The following RPTOR variants were observed in gnomAD, a reference collection of about 807,000 sequenced individuals.
The protein encoded by RPTOR is regulatory associated protein of MTOR complex 1, also known as regulatory-associated protein of mTOR.
A neutral mutation model predicts 169.9 loss-of-function variants in RPTOR; 21 were observed. That is an observed-to-expected ratio of 0.12 (90% confidence interval 0.09 to 0.18). RPTOR has a LOEUF of 0.18. RPTOR is among the 10% of genes least tolerant of loss of function. RPTOR has a pLI of 1.00. For synonymous variants in RPTOR, 732 were observed against 753.2 expected (o/e 0.97, Z 0.46); for missense variants, 1,133 against 1,855.9 (o/e 0.61, Z 7.16).
intron 32 of RPTOR, 103 bp downstream of exon 32, chr17:80,962,680 A>G (rs1045981697): frequency 5.9e-6 from 7 of 1,180,232 alleles, no homozygotes; most frequent in East Asian, 2.4e-5. Flanking sequence ...GAAGGAGGGC[A>G]GGGGAGGATT....
At chr17:80,634,470 G>A (rs571146006) in intron 2 of RPTOR, among the ~76,000 whole-genome samples, 30 of 144,730 alleles carry the variant, frequency 2.1e-4, no homozygotes, top group East Asian at 1.7e-3. Context: ...TAGTGTGTGC[G>A]TGTGCATACT....
chr17:80,747,689 G>A (rs537807376), intron 5 of RPTOR, among the ~76,000 whole-genome samples: 4 of 152,322 alleles, frequency 2.6e-5, no homozygotes, highest in Admixed American at 1.3e-4. Context: ...ACCCAGCAGC[G>A]TCTGGACCAC....
rs548095555 is a variant in RPTOR, at chr17:80,965,348, G to A, written c.*1018G>A. 16 of 233,320 alleles carry A rather than the reference G, an allele frequency of 6.9e-5. No individual in the cohort carries two copies. The highest frequency in any genetic ancestry group is 5.4e-4 in the South Asian group (3 of 5,528). 14.5% of individuals were successfully genotyped at this position (233,320 alleles called of 1,614,324 possible). On this transcript the variant is annotated 3_prime_UTR_variant, in exon 34 of 34. Transcript: ENST00000306801. ...CAAGAGGCACTGCCGGGTCCCGGAC[G>A]GCTCCGGGTGACACCAGCCCCGTCT...
At chr17:80,660,561 G>A (rs1282961063) in intron 3 of RPTOR, among the ~76,000 whole-genome samples, 3 of 152,108 alleles carry the variant, frequency 2.0e-5, no homozygotes, top group Non-Finnish European at 4.4e-5. Flanking sequence ...ATGGTGACAC[G>A]GTCTCCTGCA....
At chr17:80,891,451 C>T (rs958806175) in intron 17 of RPTOR, among the ~76,000 whole-genome samples, 4 of 152,212 alleles carry the variant, frequency 2.6e-5, no homozygotes, top group Non-Finnish European at 1.5e-5. Flanking sequence ...ACGAGACCCC[C>T]GATGCGTCGT....
In RPTOR at chr17:80,609,043, G is replaced by C. The variant is rs2065248881; in HGVS notation, c.163-16648G>C. Reference sequence around the variant, plus strand: ...CAGGAGGCACTAGGCCAGGAGAGGAGAGAGTTGGGAGGAGGAAGTGGCCAT... The same window carrying C: ...CAGGAGGCACTAGGCCAGGAGAGGACAGAGTTGGGAGGAGGAAGTGGCCAT... On this transcript the variant is annotated intron_variant, in intron 1 of 33. Transcript: ENST00000306801. This position sits in a 1 kb window ranked among gnomAD's most constrained non-coding sequence, Gnocchi z 4.8. 6.6e-6 allele frequency among the ~76,000 whole-genome samples: 1 copy of C among 152,212 alleles called. No homozygotes were observed. Among genetic ancestry groups the C allele is most frequent in the Admixed American group, 6.5e-5 (1 of 15,278 alleles).
rs1567942615 is a variant in RPTOR, at chr17:80,840,938, T to TCACCACACGGCAGCTCACTCA, written c.1212+2942_1212+2943insACCACACGGCAGCTCACTCAC. The stretch of plus-strand genomic sequence containing the variant: ...ACTCTCACCACACGGCAGCTCACTC[T>TCACCACACGGCAGCTCACTCA]CTCTGCACCGCAGCTCACACTCACC... On this transcript the variant is annotated intron_variant, in intron 10 of 33. Coordinates refer to ENST00000306801, the MANE Select transcript of RPTOR (RefSeq NM_020761.3). 1.2e-3 allele frequency among the ~76,000 whole-genome samples: 106 copies of TCACCACACGGCAGCTCACTCA among 89,870 alleles called. 12 individuals are homozygous for TCACCACACGGCAGCTCACTCA. Among genetic ancestry groups the TCACCACACGGCAGCTCACTCA allele is most frequent in the Non-Finnish European group, 2.1e-3 (97 of 47,142 alleles). The allele number at this position is 89,870 out of a possible 152,430, so 59.0% of individuals were successfully genotyped here.
At chr17:80,952,749 C>T (rs937876165) in intron 28 of RPTOR, among the ~76,000 whole-genome samples, 1 of 152,136 alleles carries the variant, frequency 6.6e-6, no homozygotes, top group African/African-American at 2.4e-5. Context: ...GCAGAGTCAC[C>T]AGGAGGATCG....
rs3042670 is a variant in RPTOR at position 80,823,641 on chromosome 17, TCACACA to T, written c.1136+451_1136+456del. On this transcript the variant is annotated intron_variant, in intron 9 of 33. Transcript: ENST00000306801. The surrounding 1 kb of genome is among the most constrained non-coding windows in gnomAD (Gnocchi z 4.5). Reference sequence around the variant, plus strand: ...ATCAATTAGTTTTTATGCTTATTTCTCACACACACACACACACACACACACACACAC... The same window carrying T: ...ATCAATTAGTTTTTATGCTTATTTCTCACACACACACACACACACACACAC... The T allele has an allele frequency of 0.067, 10,476 of 157,020 alleles. 442 individuals are homozygous for T. Among genetic ancestry groups the T allele is most frequent in the African/African-American group, 0.11 (4,633 of 40,570 alleles). The allele number at this position is 157,020 out of a possible 1,614,324, so 9.7% of individuals were successfully genotyped here. A position where few individuals can be genotyped will look rare whatever the true frequency, so the allele number is the denominator to read the frequency against.
intron 1 of RPTOR, among the ~76,000 whole-genome samples, chr17:80,574,424 C>T (rs1350032792): frequency 6.6e-6 from 1 of 151,550 alleles, no homozygotes; most frequent in Non-Finnish European, 1.5e-5. Flanking sequence ...CCTCAGCCTC[C>T]CAAAGTGCTG....
intron 3 of RPTOR, among the ~76,000 whole-genome samples, chr17:80,645,980 G>A (rs1312975827): frequency 2.6e-5 from 4 of 152,230 alleles, no homozygotes; most frequent in East Asian, 1.9e-4. Flanking sequence ...GTAAGAGATC[G>A]TTTGAAGGGC....
At chr17:80,831,799 G>A (rs200447914) in intron 9 of RPTOR, among the ~76,000 whole-genome samples, 15 of 150,952 alleles carry the variant, frequency 9.9e-5, no homozygotes, top group South Asian at 8.5e-4. Context: ...GTGTGTCACC[G>A]TGTATCCCTG....
rs1320267507 is a variant in RPTOR, at chr17:80,836,381, G to A, written c.1137-1541G>A. 5.3e-5 allele frequency among the ~76,000 whole-genome samples: 8 copies of A among 152,380 alleles called. No individual in the cohort carries two copies. In the South Asian group the frequency reaches 1.7e-3, roughly 32 times the overall value. On this transcript the variant is annotated intron_variant, in intron 9 of 33. Transcript: ENST00000306801. Reference sequence around the variant, plus strand: ...AAGCCTGCTATGTGCCTGGCACTGGGAAAGAAGTTGGGTACGGCTGGATGC... The same window carrying A: ...AAGCCTGCTATGTGCCTGGCACTGGAAAAGAAGTTGGGTACGGCTGGATGC...
chr17:80,586,785 T>C (rs1173163562), intron 1 of RPTOR, among the ~76,000 whole-genome samples: 3 of 152,260 alleles, frequency 2.0e-5, no homozygotes, highest in Non-Finnish European at 4.4e-5. Flanking sequence ...AGCAGCTCTT[T>C]AGGGTCTGGA....
intron 3 of RPTOR, among the ~76,000 whole-genome samples, chr17:80,679,998 T>G (rs57778244): frequency 0.025 from 3,787 of 149,736 alleles, 93 homozygotes; most frequent in African/African-American, 0.055. Flanking sequence ...GAGAGAGGGA[T>G]GGAGCCCCCA....
chr17:80,642,159 T>C lies in RPTOR; in HGVS notation c.266-1569T>C, dbSNP rs185306163. ...GTTGTTGTTGTTGTTGTCTTTGAGA[T>C]GGAGTCTCACTCTGTCGCCCAGGCT... On this transcript the variant is annotated intron_variant, in intron 2 of 33. Coordinates refer to ENST00000306801, the MANE Select transcript of RPTOR (RefSeq NM_020761.3). Among the ~76,000 whole-genome samples the C allele has an allele frequency of 4.0e-5, 6 of 151,850 alleles. No individual in the cohort carries two copies. In the East Asian group the frequency reaches 1.2e-3, roughly 29 times the overall value.
chr17:80,677,821 C>G (rs1354387587), intron 3 of RPTOR, among the ~76,000 whole-genome samples: 1 of 152,144 alleles, frequency 6.6e-6, no homozygotes, highest in Non-Finnish European at 1.5e-5. Context: ...GATATGATTC[C>G]TACTCCATCA....
intron 4 of RPTOR, among the ~76,000 whole-genome samples, chr17:80,715,518 C>T (rs2066232076): frequency 6.6e-6 from 1 of 151,794 alleles, no homozygotes; most frequent in South Asian, 2.1e-4. Flanking sequence ...GTGTCTGTTA[C>T]CCTAGCAGGT....
At chr17:80,725,991 T>A (rs529450554) in intron 4 of RPTOR, among the ~76,000 whole-genome samples, 2 of 152,222 alleles carry the variant, frequency 1.3e-5, no homozygotes, top group East Asian at 3.9e-4. Flanking sequence ...TTGTCACATC[T>A]AGGTGTGGGG....
Sources: gnomAD v4.1 joint callset for allele counts (sites outside exome capture counted in the v4.1 genomes callset) on GRCh38, gnomAD v4.1.1 for gene constraint, Gnocchi (gnomAD v3.1) non-coding constraint, MANE v1.5 for transcripts, NCBI Gene and HGNC (gene_info 2026-07-23, HGNC 2026-07-21) for gene names.